CARD8: variants seen among roughly 807,000 people sequenced by gnomAD.
CARD8 encodes the protein caspase recruitment domain family member 8.
CARD8 carries 38 observed loss-of-function variants against 53.2 expected under a neutral mutation model. That is an observed-to-expected ratio of 0.71 (90% confidence interval 0.55 to 0.94). CARD8 has a LOEUF of 0.94. CARD8 is among the 40% of genes least tolerant of loss of function. The probability of loss-of-function intolerance (pLI) is 0.00; values close to 1 mark genes in which losing one functional copy is unlikely to be tolerated. For synonymous variants in CARD8, 245 were observed against 244.9 expected, an observed-to-expected ratio of 1.00 and a Z score of 0.00; for missense variants, 561 against 655.5, an observed-to-expected ratio of 0.86 and a Z score of 1.57.
intron 12 of CARD8, 32 bp downstream of exon 12, chr19:48,218,839 T>C: frequency 6.2e-7 from 1 of 1,610,436 alleles, no homozygotes; most frequent in Non-Finnish European, 8.5e-7. Context: ...TGGATCCCTG[T>C]CTAAAAATGC....
At chr19:48,207,122 C>G (rs111520081), downstream of CARD8, among the ~76,000 whole-genome samples, 6,254 of 139,414 alleles carry the variant, frequency 0.045, 467 homozygotes, top group African/African-American at 0.16. Context: ...GGGCCGAGAT[C>G]ACGCCACTGC....
chr19:48,255,549 C>T (rs1967101381), intron 1 of CARD8: 1 of 152,128 alleles, frequency 6.6e-6, no homozygotes, highest in Non-Finnish European at 1.5e-5. Context: ...ATTATTAAGA[C>T]TGTCCAAGCC....
At chr19:48,222,265 G>A (rs771005470) in intron 10 of CARD8, among the ~76,000 whole-genome samples, 8 of 152,198 alleles carry the variant, frequency 5.3e-5, no homozygotes, top group Non-Finnish European at 8.8e-5. Context: ...CGTCTATGAT[G>A]GACAAGGGTA....
At chr19:48,223,325 G>T (rs966861277) in intron 10 of CARD8, among the ~76,000 whole-genome samples, 10 of 151,382 alleles carry the variant, frequency 6.6e-5, no homozygotes, top group African/African-American at 2.4e-4. Context: ...AAGAAATAAA[G>T]AAATGTCAGC....
intron 1 of CARD8, among the ~76,000 whole-genome samples, chr19:48,251,437 A>T (rs2046926211): frequency 6.6e-6 from 1 of 152,122 alleles, no homozygotes; most frequent in African/African-American, 2.4e-5. Context: ...ATCAGCCTTG[A>T]GGTTTGTTCC....
chr19:48,253,969 C>T (rs2047260940), intron 1 of CARD8, among the ~76,000 whole-genome samples: 1 of 152,142 alleles, frequency 6.6e-6, no homozygotes, highest in Non-Finnish European at 1.5e-5. Context: ...TGAAGAATCC[C>T]CATCATCCTA....
chr19:48,231,840 G>A (rs375274589), intron 7 of CARD8, 30 bp from the exon 8 acceptor site: 46 of 1,610,300 alleles, frequency 2.9e-5, no homozygotes, highest in Non-Finnish European at 3.7e-5. Flanking sequence ...CATGTAAGAG[G>A]TAAAGGGTTG....
intron 13 of CARD8, among the ~76,000 whole-genome samples, chr19:48,213,966 C>CT (rs1280988900): frequency 1.3e-5 from 2 of 152,176 alleles, no homozygotes; most frequent in African/African-American, 4.8e-5. Flanking sequence ...CTCATGTCAC[C>CT]TTTACTCTGT....
chr19:48,237,494 ATTG>A (rs1177982700), intron 5 of CARD8, among the ~76,000 whole-genome samples: 1 of 152,000 alleles, frequency 6.6e-6, no homozygotes, highest in Non-Finnish European at 1.5e-5. Context: ...TCATATCGCT[ATTG>A]TTACAGGAAG....
In CARD8 at chr19:48,230,487, T is replaced by C. The variant is rs1255950401; in HGVS notation, c.986A>G (p.Asp329Gly). ...GACAAGGTACAAGTGGAACTTAATA[T>C]CTTCGGGGTGGGGGTGATAATAGAT... is the stretch of plus-strand genomic sequence containing the variant. ...TLIYYHPHPEDIKFHLYLVPS... is the reference protein window; with the variant it reads ...TLIYYHPHPEGIKFHLYLVPS... Residue 329 changes from aspartate (D) to glycine (G), a missense_variant, in exon 10 of 14, where the codon GAT (aspartate) becomes GGT (glycine). Physicochemically the swap from Asp to Gly is moderately conservative, Grantham distance 94. Transcript: ENST00000651546. 3 of 1,613,666 alleles carry C rather than the reference T, an allele frequency of 1.9e-6. No homozygotes were observed. The highest frequency in any genetic ancestry group is 2.7e-5 in the African/African-American group (2 of 74,878).
chr19:48,245,986 G>A (rs1224298848), intron 3 of CARD8, among the ~76,000 whole-genome samples: 1 of 151,810 alleles, frequency 6.6e-6, no homozygotes, highest in Non-Finnish European at 1.5e-5. Context: ...ATTACTTAAT[G>A]TGCAGACCTT....
intron 5 of CARD8, among the ~76,000 whole-genome samples, chr19:48,236,824 G>C (rs548364841): frequency 1.3e-5 from 2 of 152,034 alleles, no homozygotes; most frequent in South Asian, 4.1e-4. Flanking sequence ...GCCCAGGCTA[G>C]AGTGCAATGG....
At chr19:48,228,208 C>T (rs533456343) in intron 10 of CARD8, among the ~76,000 whole-genome samples, 1 of 152,314 alleles carries the variant, frequency 6.6e-6, no homozygotes, top group South Asian at 2.1e-4. Context: ...TCAGGGCTCC[C>T]ACTGATTTTA....
chr19:48,227,078 ACTCC>A (rs1358111396), intron 10 of CARD8, among the ~76,000 whole-genome samples: 38 of 141,768 alleles, frequency 2.7e-4, no homozygotes, highest in African/African-American at 9.5e-4. Flanking sequence ...ACACAGCAAG[ACTCC>A]GTCTCAAAAA....
chr19:48,205,816 G>T (rs2037322408), downstream of CARD8, among the ~76,000 whole-genome samples: 1 of 152,182 alleles, frequency 6.6e-6, no homozygotes, highest in Non-Finnish European at 1.5e-5. Context: ...AGGCATGATG[G>T]GAGCAACAAG....
chr19:48,243,141 C>CTT (rs2045501565), intron 3 of CARD8, among the ~76,000 whole-genome samples: 1 of 152,196 alleles, frequency 6.6e-6, no homozygotes, highest in Non-Finnish European at 1.5e-5. Context: ...GCCTCCTGAG[C>CTT]AGCTGGGACT....
chr19:48,220,948 GAAAGGA>G (rs1395271049), intron 11 of CARD8, among the ~76,000 whole-genome samples: 4 of 1,528 alleles, frequency 2.6e-3, no homozygotes, highest in Non-Finnish European at 3.9e-3. Flanking sequence ...GGAAAGAAAG[GAAAGGA>G]AAGGAAGGAA....
intron 10 of CARD8, among the ~76,000 whole-genome samples, chr19:48,227,954 G>A (rs890490496): frequency 6.6e-6 from 1 of 152,162 alleles, no homozygotes; most frequent in South Asian, 2.1e-4. Context: ...CAGCAGGAGA[G>A]GAGCAGTGAG....
chr19:48,244,933 G>A (rs188136482), intron 3 of CARD8, among the ~76,000 whole-genome samples: 120 of 152,248 alleles, frequency 7.9e-4, no homozygotes, highest in African/African-American at 2.8e-3. Flanking sequence ...ACACATTCTC[G>A]GCATAATATG....
Sources: allele counts gnomAD v4.1 joint callset (sites outside exome capture counted in the v4.1 genomes callset), GRCh38; gene constraint gnomAD v4.1.1; transcripts MANE v1.5; gene names NCBI Gene and HGNC (gene_info 2026-07-23, HGNC 2026-07-21).